Variants in ARID1B observed in about 807,000 individuals in gnomAD.
ARID1B encodes the protein AT-rich interactive domain-containing protein 1B.
ARID1B carries 30 observed loss-of-function variants against 212.3 expected under a neutral mutation model. The observed-to-expected ratio is 0.14, with a 90% CI of 0.11 to 0.19. The LOEUF (loss-of-function observed/expected upper bound fraction) is 0.19. Among genes scored for constraint, ARID1B ranks in the 10% least tolerant of loss-of-function variants. ARID1B has a pLI of 1.00. For synonymous variants in ARID1B, 1,402 were observed against 1,301.7 expected (o/e 1.08, Z -1.66); for missense variants, 2,891 against 3,204.0 (o/e 0.90, Z 2.36).
chr6:157,042,484 T>A (rs901864225), intron 4 of ARID1B, among the ~76,000 whole-genome samples: 7 of 152,270 alleles, frequency 4.6e-5, no homozygotes, highest in African/African-American at 1.7e-4. Context: ...ATGACTCTTT[T>A]TATAATATTT....
intron 11 of ARID1B, among the ~76,000 whole-genome samples, chr6:157,179,649 T>TA (rs1344444546): frequency 6.6e-5 from 10 of 152,342 alleles, no homozygotes; most frequent in Non-Finnish European, 1.2e-4. Flanking sequence ...ACCCATTACA[T>TA]ATTTGATAAA....
intron 4 of ARID1B, among the ~76,000 whole-genome samples, chr6:156,949,994 A>G (rs1028765481): frequency 3.9e-5 from 6 of 152,220 alleles, no homozygotes; most frequent in Admixed American, 3.3e-4. Flanking sequence ...CTCCTTAGGA[A>G]TAATTATAGG....
Position 156,902,762 on chromosome 6 carries a change from A to AAAAG in ARID1B, c.2136+1237_2136+1238insAAAG, listed in dbSNP as rs1235308967. Among the ~76,000 whole-genome samples the AAAAG allele has an allele frequency of 1.4e-5, 2 of 145,598 alleles. 1 individual carries two copies. Among genetic ancestry groups the AAAAG allele is most frequent in the African/African-American group, 5.3e-5 (2 of 37,764 alleles). On this transcript the variant is annotated intron_variant, in intron 3 of 19. Transcript: ENST00000636930. ...AAAAAAAAAAAAAAAAAAAAAAAAA[A>AAAAG]GTAACATCTGTGGGGTTTGTAGCAG...
At chr6:157,035,817 C>T (rs1224455088) in intron 4 of ARID1B, among the ~76,000 whole-genome samples, 6 of 152,202 alleles carry the variant, frequency 3.9e-5, no homozygotes, top group Non-Finnish European at 8.8e-5. Context: ...AGACAATTTG[C>T]TTCCTTGTTT....
At chr6:156,897,886 T>C (rs888354525) in intron 2 of ARID1B, among the ~76,000 whole-genome samples, 26 of 152,172 alleles carry the variant, frequency 1.7e-4, no homozygotes, top group African/African-American at 6.0e-4. Flanking sequence ...TTTCATATAA[T>C]AATAGCTTGC....
At chr6:157,137,985 A>C (rs181953704) in intron 7 of ARID1B, among the ~76,000 whole-genome samples, 346 of 152,300 alleles carry the variant, frequency 2.3e-3, no homozygotes, top group African/African-American at 8.0e-3. Context: ...TCATAAGTTC[A>C]ACAAAGGCAA....
chr6:157,121,953 T>G (rs1787753473), intron 6 of ARID1B, among the ~76,000 whole-genome samples: 1 of 152,096 alleles, frequency 6.6e-6, no homozygotes, highest in African/African-American at 2.4e-5. Context: ...ATAAACTAGG[T>G]AAAGTCTCCG....
At chr6:157,015,298 A>T (rs144297514) in intron 4 of ARID1B, among the ~76,000 whole-genome samples, 1 of 152,380 alleles carries the variant, frequency 6.6e-6, no homozygotes. Context: ...AATAACTGAC[A>T]ATACAGAAGT....
At chr6:157,107,392 G>A (rs1250368007) in intron 5 of ARID1B, among the ~76,000 whole-genome samples, 1 of 151,922 alleles carries the variant, frequency 6.6e-6, no homozygotes, top group Admixed American at 6.6e-5. Flanking sequence ...TGGAGGAGGT[G>A]GGCTAAAGGA....
intron 12 of ARID1B, among the ~76,000 whole-genome samples, chr6:157,183,432 A>G (rs1325099913): frequency 6.6e-6 from 1 of 152,258 alleles, no homozygotes; most frequent in African/African-American, 2.4e-5. Flanking sequence ...ACAACGCAGG[A>G]GACATCAAAA....
rs1043120076 is a variant in ARID1B at position 156,887,958 on chromosome 6, C to A, written c.1987-13418C>A. ...TACCAGTTGCTTGTCTTTTTGTTGA[C>A]TCTTTTAAAATTCTAGTCCTCTTCT... On this transcript the variant is annotated intron_variant, in intron 2 of 19. Coordinates refer to ENST00000636930, the MANE Select transcript of ARID1B (RefSeq NM_001374828.1). Among the ~76,000 whole-genome samples the A allele has an allele frequency of 2.6e-5, 4 of 152,296 alleles. No homozygotes were observed. The South Asian group carries it at 8.3e-4, about 32-fold the overall frequency.
chr6:157,203,821 C>A lies in ARID1B; in HGVS notation c.5264-45C>A. Reference sequence around the variant, plus strand: ...TTTCGTTAACTTTCGTTCTTTCATGCATAGAGTCAACATTCATGATATCCT... The same window carrying A: ...TTTCGTTAACTTTCGTTCTTTCATGAATAGAGTCAACATTCATGATATCCT... On this transcript the variant is annotated intron_variant, in intron 18 of 19. Transcript: ENST00000636930. The surrounding 1 kb of genome is among the most constrained non-coding windows in gnomAD (Gnocchi z 4.4). 6.2e-7 allele frequency: 1 copy of A among 1,609,430 alleles called. No homozygotes were observed. Among genetic ancestry groups the A allele is most frequent in the Non-Finnish European group, 8.5e-7 (1 of 1,176,268 alleles).
chr6:157,206,519 A>G lies in ARID1B; in HGVS notation c.5747A>G (p.Lys1916Arg), dbSNP rs753020972. 4.3e-6 allele frequency: 7 copies of G among 1,614,206 alleles called. No individual in the cohort carries two copies. The highest frequency in any genetic ancestry group is 3.3e-5 in the Admixed American group (2 of 60,026). ...GACAAGCTGCCAATAAAGATAGTCA[A>G]AAAGAACAACCTGTTTGTTGTTGAC... is the stretch of plus-strand genomic sequence containing the variant. ...KFDKLPIKIV[K>R]KNNLFVVDRS... is the part of the protein sequence containing the mutation. The change falls in exon 20 of 20, where the codon AAA (lysine) becomes AGA (arginine). Residue 1916 changes from lysine (K) to arginine (R), a missense_variant. Physicochemically the swap from Lys to Arg is conservative, Grantham distance 26. Coordinates refer to ENST00000636930, the MANE Select transcript of ARID1B (RefSeq NM_001374828.1). The surrounding 1 kb of genome is among the most constrained non-coding windows in gnomAD (Gnocchi z 6.8).
intron 8 of ARID1B, among the ~76,000 whole-genome samples, chr6:157,155,442 G>A (rs1331977831): frequency 6.6e-6 from 1 of 150,762 alleles, no homozygotes; most frequent in Admixed American, 6.6e-5. Context: ...GACTAACTGA[G>A]CATCAGAAGA....
At chr6:157,139,947 T>C (rs950676594) in intron 7 of ARID1B, among the ~76,000 whole-genome samples, 3 of 151,734 alleles carry the variant, frequency 2.0e-5, no homozygotes, top group Admixed American at 6.6e-5. Context: ...TGGCCTCAAA[T>C]TCCTGACCTC....
At chr6:156,921,027 G>A (rs1790743072) in intron 3 of ARID1B, among the ~76,000 whole-genome samples, 1 of 151,926 alleles carries the variant, frequency 6.6e-6, no homozygotes, top group South Asian at 2.1e-4. Flanking sequence ...AATTAGCAGG[G>A]GGACTCCAGG....
intron 4 of ARID1B, among the ~76,000 whole-genome samples, chr6:156,987,193 G>C (rs1007621266): frequency 1.5e-5 from 2 of 133,768 alleles, no homozygotes; most frequent in South Asian, 2.2e-4. Context: ...GAGAGAGAGA[G>C]AGAGACCCTG....
chr6:157,076,359 G>C (rs1362249909), intron 4 of ARID1B, among the ~76,000 whole-genome samples: 1 of 151,470 alleles, frequency 6.6e-6, no homozygotes, highest in Non-Finnish European at 1.5e-5. Context: ...GTGTTGCCCA[G>C]GCTGGAATGC....
chr6:156,842,698 A>G (rs995672810), intron 2 of ARID1B, among the ~76,000 whole-genome samples: 4 of 152,208 alleles, frequency 2.6e-5, no homozygotes, highest in African/African-American at 9.7e-5. Flanking sequence ...ACCATTTTCC[A>G]TAGTGGCTGT....
Sources: allele counts gnomAD v4.1 joint callset (sites outside exome capture counted in the v4.1 genomes callset), GRCh38; gene constraint gnomAD v4.1.1; non-coding constraint Gnocchi (gnomAD v3.1); transcripts MANE v1.5; gene names NCBI Gene and HGNC (gene_info 2026-07-23, HGNC 2026-07-21).